Variants in GRTP1 observed in about 807,000 individuals in gnomAD.
GRTP1 encodes the protein growth hormone-regulated TBC protein 1.
In GRTP1, 56 loss-of-function variants were observed where a neutral mutation model predicts 38.1. That is an observed-to-expected ratio of 1.47 (90% CI 1.19 to 1.84). The LOEUF is 1.84. Among genes scored for constraint, GRTP1 ranks in the 40% most tolerant of loss-of-function variants. The pLI is 0.00. For synonymous variants in GRTP1, 217 were observed against 189.5 expected (o/e 1.14, Z -1.19); for missense variants, 506 against 453.9 (o/e 1.11, Z -1.04).
intron 3 of GRTP1, among the ~76,000 whole-genome samples, chr13:113,352,313 TTTATATATATTTTTA>T (rs2043291522): frequency 3.2e-5 from 1 of 30,856 alleles, no homozygotes; most frequent in African/African-American, 9.4e-5. Flanking sequence ...TTATATATAT[TTTATATATATTTTTA>T]TATATATTTT....
Position 113,348,728 on chromosome 13 carries a change from C to T in GRTP1, c.465+2121G>A, listed in dbSNP as rs2043211103. On this transcript the variant is annotated intron_variant, in intron 4 of 7. Coordinates refer to ENST00000375431, the MANE Select transcript of GRTP1 (RefSeq NM_024719.4). The surrounding 1 kb of genome is among the most constrained non-coding windows in gnomAD (Gnocchi z 4.8). Reference sequence around the variant, plus strand: ...TAGTGATGCCACCCGCCGAGGGGCACCCAGGACTGCCAGGAACCAGCAGAA... The same window carrying T: ...TAGTGATGCCACCCGCCGAGGGGCATCCAGGACTGCCAGGAACCAGCAGAA... Among the ~76,000 whole-genome samples the T allele has an allele frequency of 6.6e-6, 1 of 152,266 alleles. No homozygotes were observed. The highest frequency in any genetic ancestry group is 2.1e-4 in the South Asian group (1 of 4,822).
intron 4 of GRTP1, among the ~76,000 whole-genome samples, chr13:113,346,203 C>CCCAGGAGCACCTCTGTGGCTGAGCGGAT (rs1566429568): frequency 1.8e-5 from 2 of 113,452 alleles, no homozygotes; most frequent in Non-Finnish European, 3.6e-5. Context: ...TGAGAGCAGA[C>CCCAGGAGCACCTCTGTGGCTGAGCGGAT]CCGGGAGGAC....
rs371398604 is a variant in GRTP1, at chr13:113,346,639, T to A, written c.466-1680A>T. On this transcript the variant is annotated intron_variant, in intron 4 of 7. Transcript: ENST00000375431. ...GTGGACCCGGGAGGACCTCTGTGGC[T>A]GAGAGCGGACCTGGGAGGACCTCTG... Among the ~76,000 whole-genome samples the A allele has an allele frequency of 0.33, 280 of 852 alleles. 124 individuals are homozygous for A. Among genetic ancestry groups the A allele is most frequent in the African/African-American group, 0.36 (264 of 730 alleles). 0.6% of individuals were successfully genotyped at this position (852 alleles called of 152,430 possible). A position where few individuals can be genotyped will look rare whatever the true frequency, so the allele number is the denominator to read the frequency against.
At chr13:113,341,246 T>C (rs2043021826) in intron 5 of GRTP1, among the ~76,000 whole-genome samples, 1 of 151,984 alleles carries the variant, frequency 6.6e-6, no homozygotes, top group Non-Finnish European at 1.5e-5. Flanking sequence ...TGTGCTTTTA[T>C]GTATGTGTGT....
Position 113,324,416 on chromosome 13 carries a change from A to G in GRTP1, c.*72T>C, listed in dbSNP as rs1297905996. The stretch of plus-strand genomic sequence containing the variant: ...CAACACTAAAAAGGAAAGCAGTGAA[A>G]GTTGGTCCAGTGTCAACTCTGGAAA... On this transcript the variant is annotated 3_prime_UTR_variant, in exon 8 of 8. Transcript: ENST00000375431. 5 of 1,448,522 alleles carry G rather than the reference A, an allele frequency of 3.5e-6. No individual in the cohort carries two copies. In the African/African-American group the frequency reaches 7.2e-5, roughly 21 times the overall value. The allele number at this position is 1,448,522 out of a possible 1,614,324, so 89.7% of individuals were successfully genotyped here.
chr13:113,342,856 G>A lies in GRTP1; in HGVS notation c.562+2007C>T, dbSNP rs539400697. 1.2e-4 allele frequency among the ~76,000 whole-genome samples: 19 copies of A among 152,016 alleles called. No homozygotes were observed. Among genetic ancestry groups the A allele is most frequent in the Non-Finnish European group, 1.9e-4 (13 of 68,022 alleles). ...CCAGACCTATTTGCATTGCAGTTTC[G>A]TTCAACTTAATCTCATAATGAATAT... On this transcript the variant is annotated intron_variant, in intron 5 of 7. Coordinates refer to ENST00000375431, the MANE Select transcript of GRTP1 (RefSeq NM_024719.4). The surrounding 1 kb of genome is among the most constrained non-coding windows in gnomAD (Gnocchi z 4.5).
rs757254849 is a variant in GRTP1, at chr13:113,326,041, CG to C, written c.612del (p.Glu206SerfsTer13). The C allele has an allele frequency of 6.2e-7, 1 of 1,613,014 alleles. No homozygotes were observed. The highest frequency in any genetic ancestry group is 1.3e-5 in the African/African-American group (1 of 74,982). On this transcript the variant is annotated frameshift_variant, in exon 6 of 8. Coordinates refer to ENST00000375431, the MANE Select transcript of GRTP1 (RefSeq NM_024719.4). LOFTEE classifies it high-confidence loss of function. ...GGCAGCTTCGCCCGCACCAGCTCCC[CG>C]AGGACCTCCTGGTCGGTCTTCAGGC... ...MLGLKTDQEV[L>X]GELVRAKLPA...
intron 3 of GRTP1, among the ~76,000 whole-genome samples, chr13:113,352,297 TATA>T (rs1327123068): frequency 1.6e-5 from 1 of 64,112 alleles, no homozygotes; most frequent in African/African-American, 6.5e-5. Context: ...TATATTTATA[TATA>T]TTTTATATAT....
At position 113,343,834 on chromosome 13, in the gene GRTP1, C is replaced by T. The variant is rs1373940075; in HGVS notation, c.562+1029G>A. ...TGCCCTGCAGGATGAGCACGCAGCCCCCTTGACCCAGCACCACAGCCAGGC... is the reference window on the plus strand; with the variant it reads ...TGCCCTGCAGGATGAGCACGCAGCCTCCTTGACCCAGCACCACAGCCAGGC... On this transcript the variant is annotated intron_variant, in intron 5 of 7. Transcript: ENST00000375431. The surrounding 1 kb of genome is among the most constrained non-coding windows in gnomAD (Gnocchi z 4.8). 2.0e-5 allele frequency among the ~76,000 whole-genome samples: 3 copies of T among 152,212 alleles called. No homozygotes were observed. Among genetic ancestry groups the T allele is most frequent in the African/African-American group, 7.2e-5 (3 of 41,440 alleles).
intron 5 of GRTP1, among the ~76,000 whole-genome samples, chr13:113,332,355 A>G (rs1333771871): frequency 6.8e-6 from 1 of 146,334 alleles, no homozygotes; most frequent in African/African-American, 2.6e-5. Context: ...ACACACAGGT[A>G]CACACGTGCA....
At chr13:113,325,241 C>T (rs1280758014) in intron 7 of GRTP1, 1 of 1,202,514 alleles carries the variant, frequency 8.3e-7, no homozygotes, top group Non-Finnish European at 1.0e-6. Flanking sequence ...ACTACTGACT[C>T]CCAGGCCTGA....
chr13:113,363,709 C>T, intron 2 of GRTP1, 53 bp downstream of exon 2: 2 of 1,402,766 alleles, frequency 1.4e-6, no homozygotes. Context: ...CCCGGCCCGT[C>T]CCAGCCCAAC....
chr13:113,330,701 TGCATGGAAACCCGGGTGTG>T lies in GRTP1; in HGVS notation c.563-4629_563-4611del, dbSNP rs1169195849. Among the ~76,000 whole-genome samples the T allele has an allele frequency of 1.9e-4, 21 of 109,830 alleles. 6 individuals carry two copies. The highest frequency in any genetic ancestry group is 3.7e-4 in the Admixed American group (4 of 10,696). The allele number at this position is 109,830 out of a possible 152,430, so 72.1% of individuals were successfully genotyped here. On this transcript the variant is annotated intron_variant, in intron 5 of 7. Coordinates refer to ENST00000375431, the MANE Select transcript of GRTP1 (RefSeq NM_024719.4). The stretch of plus-strand genomic sequence containing the variant: ...GTGTGTGCATGGGAGCCCAGGTGTG[TGCATGGAAACCCGGGTGTG>T]TGCATGGAAACCCAGGTGTGTGCAT...
chr13:113,356,974 G>C (rs2043399010), intron 2 of GRTP1, among the ~76,000 whole-genome samples: 1 of 152,166 alleles, frequency 6.6e-6, no homozygotes. Flanking sequence ...AGACCCAGAG[G>C]AGAGAGAAAA....
chr13:113,346,209 AGGACC>A (rs2043122218), intron 4 of GRTP1, among the ~76,000 whole-genome samples: 2 of 138,778 alleles, frequency 1.4e-5, no homozygotes, highest in African/African-American at 2.7e-5. Flanking sequence ...CAGACCCGGG[AGGACC>A]TCTGTGGCTG....
At chr13:113,328,989 C>T (rs958521897) in intron 5 of GRTP1, among the ~76,000 whole-genome samples, 1 of 152,248 alleles carries the variant, frequency 6.6e-6, no homozygotes, top group East Asian at 1.9e-4. Context: ...CCTTCCCTGC[C>T]CAGAAGCCTG....
intron 3 of GRTP1, among the ~76,000 whole-genome samples, chr13:113,352,216 ATT>A (rs1158147719): frequency 2.3e-5 from 3 of 132,346 alleles, no homozygotes; most frequent in Non-Finnish European, 4.7e-5. Context: ...TAATATTTTT[ATT>A]GAGTTTTCTA....
chr13:113,338,408 C>G (rs904875332), intron 5 of GRTP1, among the ~76,000 whole-genome samples: 1 of 152,126 alleles, frequency 6.6e-6, no homozygotes, highest in African/African-American at 2.4e-5. Flanking sequence ...AAAAGTAACT[C>G]CCTTAATTGG....
intron 5 of GRTP1, among the ~76,000 whole-genome samples, chr13:113,338,795 G>A (rs1004247534): frequency 6.6e-6 from 1 of 152,114 alleles, no homozygotes; most frequent in Non-Finnish European, 1.5e-5. Context: ...TCACCAGGGA[G>A]CTCAGCCATG....
Sources: allele counts gnomAD v4.1 joint callset (sites outside exome capture counted in the v4.1 genomes callset), GRCh38; gene constraint gnomAD v4.1.1; non-coding constraint Gnocchi (gnomAD v3.1); transcripts MANE v1.5; gene names NCBI Gene and HGNC (gene_info 2026-07-23, HGNC 2026-07-21).